Variants in BLOC1S6 observed in about 807,000 individuals in gnomAD.
The protein encoded by BLOC1S6 is biogenesis of lysosome-related organelles complex 1 subunit 6.
BLOC1S6 carries 24 observed loss-of-function variants against 24.7 expected under a neutral mutation model. That is an observed-to-expected ratio of 0.97 (90% CI 0.70 to 1.37). The LOEUF (loss-of-function observed/expected upper bound fraction) is 1.37, where lower values mean the gene tolerates loss of function less well. Ranked by LOEUF, BLOC1S6 falls within the 40% of genes most tolerant of loss-of-function variation. The probability of loss-of-function intolerance (pLI) is 0.00; values close to 1 mark genes in which losing one functional copy is unlikely to be tolerated. For synonymous variants in BLOC1S6, 76 were observed against 72.6 expected, an observed-to-expected ratio of 1.05 and a Z score of -0.23; for missense variants, 175 against 196.2, an observed-to-expected ratio of 0.89 and a Z score of 0.64.
chr15:45,587,758 T>G (rs1893735849), intron 1 of BLOC1S6: 1 of 703,284 alleles, frequency 1.4e-6, no homozygotes, highest in Admixed American at 2.0e-5. Context: ...TTGAAGGCGG[T>G]TGATGGTGAA....
chr15:45,587,615 G>C (rs1893725950), intron 1 of BLOC1S6, 90 bp downstream of exon 1: 5 of 1,351,610 alleles, frequency 3.7e-6, no homozygotes, highest in Non-Finnish European at 5.1e-6. Flanking sequence ...CCCTGGGGGA[G>C]TAAGCGGTTT....
At chr15:45,595,311 A>G (rs910796179) in intron 2 of BLOC1S6, among the ~76,000 whole-genome samples, 2 of 152,142 alleles carry the variant, frequency 1.3e-5, no homozygotes, top group African/African-American at 4.8e-5. Flanking sequence ...ATTAGTGTAA[A>G]CTCAGGTGTG....
chr15:45,588,906 T>C (rs138621925), intron 1 of BLOC1S6, among the ~76,000 whole-genome samples: 1 of 152,346 alleles, frequency 6.6e-6, no homozygotes, highest in East Asian at 1.9e-4. Flanking sequence ...CATTTGGAAA[T>C]AGTCCTCACA....
intron 2 of BLOC1S6, among the ~76,000 whole-genome samples, chr15:45,594,793 C>CA (rs915062158): frequency 6.6e-6 from 1 of 152,076 alleles, no homozygotes; most frequent in African/African-American, 2.4e-5. Context: ...CCATGTTGGC[C>CA]AGGCTGGTTT....
In BLOC1S6 at chr15:45,606,519, TTGTGTTTG is replaced by T; in HGVS notation, c.*13_*20del. 1 of 1,613,968 alleles carries T rather than the reference TTGTGTTTG, an allele frequency of 6.2e-7. No individual in the cohort carries two copies. The highest frequency in any genetic ancestry group is 8.5e-7 in the Non-Finnish European group (1 of 1,179,988). On this transcript the variant is annotated 3_prime_UTR_variant, in exon 5 of 5. Coordinates refer to ENST00000220531, the MANE Select transcript of BLOC1S6 (RefSeq NM_012388.4). ...AGACCAGCCAAAAGGATGTGAAAAG[TTGTGTTTG>T]TGTGTTTTCTTCTCCTGTCCCATAT...
chr15:45,590,012 A>G (rs952056643), intron 1 of BLOC1S6, among the ~76,000 whole-genome samples: 1 of 152,196 alleles, frequency 6.6e-6, no homozygotes. Flanking sequence ...GGGTGTTCCT[A>G]TCATAAAACA....
chr15:45,587,896 T>G, intron 1 of BLOC1S6: 1 of 625,298 alleles, frequency 1.6e-6, no homozygotes, highest in Non-Finnish European at 2.9e-6. Flanking sequence ...CCTATAATAT[T>G]GACCACTCAT....
upstream of BLOC1S6, chr15:45,587,239 C>A: frequency 1.6e-6 from 1 of 625,974 alleles, no homozygotes; most frequent in East Asian, 2.8e-5. Context: ...CGGGGCCAGA[C>A]GACGATATCA....
At chr15:45,602,299 TA>T (rs1894299184) in intron 2 of BLOC1S6, 1 of 635,970 alleles carries the variant, frequency 1.6e-6, no homozygotes, top group Non-Finnish European at 2.8e-6. Context: ...TTTTTTTTTT[TA>T]TCATTATTCT....
intron 3 of BLOC1S6, among the ~76,000 whole-genome samples, chr15:45,604,368 CA>C (rs768327571): frequency 1.4e-4 from 21 of 152,180 alleles, no homozygotes; most frequent in Non-Finnish European, 2.6e-4. Context: ...GAAGTAAATA[CA>C]GAGCCATCTG....
At chr15:45,587,288 C>G (rs1038315797), upstream of BLOC1S6, 19 of 735,836 alleles carry the variant, frequency 2.6e-5, no homozygotes, top group Non-Finnish European at 4.0e-5. Flanking sequence ...AGAGCCAACT[C>G]TCGAGCGCGT....
At chr15:45,604,581 C>G (rs1022809095) in intron 3 of BLOC1S6, among the ~76,000 whole-genome samples, 4 of 152,110 alleles carry the variant, frequency 2.6e-5, no homozygotes, top group Admixed American at 6.6e-5. Context: ...TTCTCTTAGT[C>G]AAGAGTAGTT....
intron 1 of BLOC1S6, 160 bp downstream of exon 1, chr15:45,587,685 C>A: frequency 1.3e-6 from 1 of 766,218 alleles, no homozygotes; most frequent in Non-Finnish European, 2.3e-6. Flanking sequence ...CGCGCCGGCC[C>A]CTCTGCCCAG....
Position 45,608,893 on chromosome 15 carries a change from A to C in BLOC1S6, c.*2379A>C, listed in dbSNP as rs1894577319. On this transcript the variant is annotated 3_prime_UTR_variant, in exon 5 of 5. Coordinates refer to ENST00000220531, the MANE Select transcript of BLOC1S6 (RefSeq NM_012388.4). The stretch of plus-strand genomic sequence containing the variant: ...CTGAGCTGCTGCTTTTGATATAGTC[A>C]GACTTAAGACTGAACCCCAGTAGAC... 1 of 152,204 alleles carries C rather than the reference A, an allele frequency of 6.6e-6. No individual in the cohort carries two copies. Among genetic ancestry groups the C allele is most frequent in the South Asian group, 2.1e-4 (1 of 4,834 alleles). 9.4% of individuals were successfully genotyped at this position (152,204 alleles called of 1,614,324 possible). A position where few individuals can be genotyped will look rare whatever the true frequency, so the allele number is the denominator to read the frequency against.
At chr15:45,587,153 C>T (rs752876742), upstream of BLOC1S6, 6 of 500,428 alleles carry the variant, frequency 1.2e-5, no homozygotes, top group South Asian at 6.3e-5. Context: ...AAACCGACCA[C>T]CGTCCTCCCC....
At chr15:45,587,641 C>T in intron 1 of BLOC1S6, 116 bp downstream of exon 1, 1 of 1,066,592 alleles carries the variant, frequency 9.4e-7, no homozygotes. Context: ...GGCTGCGGCC[C>T]CCGGGCCCTG....
intron 2 of BLOC1S6, 151 bp downstream of exon 2, chr15:45,592,427 AGG>A: frequency 2.1e-6 from 2 of 972,878 alleles, no homozygotes; most frequent in Admixed American, 2.1e-5. Flanking sequence ...ATGGGAATAG[AGG>A]AGTACATAGT....
chr15:45,596,465 TG>T (rs766858155), intron 2 of BLOC1S6, among the ~76,000 whole-genome samples: 26 of 152,202 alleles, frequency 1.7e-4, no homozygotes, highest in Admixed American at 8.5e-4. Flanking sequence ...CCCAAAGTGC[TG>T]GGATTACAGG....
Position 45,592,265 on chromosome 15 carries a change from C to T in BLOC1S6, c.213C>T (p.Leu71=). 6.2e-7 allele frequency: 1 copy of T among 1,613,922 alleles called. No individual in the cohort carries two copies. Among genetic ancestry groups the T allele is most frequent in the South Asian group, 1.1e-5 (1 of 91,086 alleles). The change falls in exon 2 of 5, where the codon CTC becomes CTT. Residue 71 remains leucine (L), a synonymous_variant. Transcript: ENST00000220531. ...LPDLQRSKQA[L]QELTQNQVVL... The stretch of plus-strand genomic sequence containing the variant: ...ATCTGCAGAGATCAAAACAAGCCCT[C>T]CAGGAACTCACGTAAGCTAATAAAA...
Sources: allele counts gnomAD v4.1 joint callset (sites outside exome capture counted in the v4.1 genomes callset), GRCh38; gene constraint gnomAD v4.1.1; transcripts MANE v1.5; gene names NCBI Gene and HGNC (gene_info 2026-07-23, HGNC 2026-07-21).